Variants in PLA2G2D observed in about 807,000 individuals in gnomAD.
The protein encoded by PLA2G2D is phospholipase A2 group IID.
A neutral mutation model predicts 13.9 loss-of-function variants in PLA2G2D; 17 were observed. That is an observed-to-expected ratio of 1.23 (90% CI 0.84 to 1.84). The LOEUF is 1.84. PLA2G2D is among the 40% of genes most tolerant of loss of function. PLA2G2D has a pLI of 0.00. For synonymous variants in PLA2G2D, 83 were observed against 69.3 expected (o/e 1.20, Z -0.98); for missense variants, 194 against 178.7 (o/e 1.09, Z -0.49).
chr1:20,115,510 A>C lies in PLA2G2D; in HGVS notation c.289T>G (p.Cys97Gly), dbSNP rs2016966937. ...RYNFSQGNIH[C>G]SDKGSWCEQQ... is the part of the protein sequence containing the mutation. ...GCCCTGAGGTCTGCGTACTCACAGC[A>C]GTGGATGTTCCCCTGGGAAAAGTTG... Residue 97 changes from cysteine (C) to glycine (G), a missense_variant, in exon 3 of 4, where the codon TGC (cysteine) becomes GGC (glycine). Physicochemically the swap from Cys to Gly is radical, Grantham distance 159 (BLOSUM62 -3). Transcript: ENST00000375105. 2 of 1,566,250 alleles carry C rather than the reference A, an allele frequency of 1.3e-6. No homozygotes were observed. Among genetic ancestry groups the C allele is most frequent in the African/African-American group, 2.7e-5 (2 of 73,596 alleles).
Position 20,119,480 on chromosome 1 carries a change from A to ACAG in PLA2G2D, c.16_18dup (p.Leu6dup), listed in dbSNP as rs1274717068. The stretch of plus-strand genomic sequence containing the variant: ...TCACCAGCCATCACCACCAGCCCAC[A>ACAG]CAGCAGTGCAAGTTCCATGATCCCA... On this transcript the variant is annotated inframe_insertion, in exon 1 of 4. Transcript: ENST00000375105. The ACAG allele has an allele frequency of 6.2e-7, 1 of 1,613,912 alleles. No individual in the cohort carries two copies. The highest frequency in any genetic ancestry group is 1.7e-5 in the Admixed American group (1 of 60,006).
rs1490035283 is a variant in PLA2G2D, at chr1:20,116,319, G to A, written c.185+14C>T. 1.2e-6 allele frequency: 2 copies of A among 1,613,592 alleles called. No individual in the cohort carries two copies. The highest frequency in any genetic ancestry group is 1.7e-6 in the Non-Finnish European group (2 of 1,179,566). On this transcript the variant is annotated intron_variant, in intron 2 of 3. Coordinates refer to ENST00000375105, the MANE Select transcript of PLA2G2D (RefSeq NM_012400.4). ...GGGACAGTATAGGATTGCCAGCCCTGAGAAAGGAGTTACCAGTCCGTGGCA... is the reference window on the plus strand; with the variant it reads ...GGGACAGTATAGGATTGCCAGCCCTAAGAAAGGAGTTACCAGTCCGTGGCA...
At position 20,114,069 on chromosome 1, in the gene PLA2G2D, A is replaced by T; in HGVS notation, c.*45T>A. On this transcript the variant is annotated 3_prime_UTR_variant, in exon 4 of 4. Coordinates refer to ENST00000375105, the MANE Select transcript of PLA2G2D (RefSeq NM_012400.4). ...GTTCAGGTTAGATACTGAGGTGGGGATGCCAGAGCTCCATGCTGAGGAACA... is the reference window on the plus strand; with the variant it reads ...GTTCAGGTTAGATACTGAGGTGGGGTTGCCAGAGCTCCATGCTGAGGAACA... The T allele has an allele frequency of 1.3e-6, 2 of 1,579,842 alleles. No individual in the cohort carries two copies. The highest frequency in any genetic ancestry group is 1.7e-6 in the Non-Finnish European group (2 of 1,159,172).
intron 1 of PLA2G2D, among the ~76,000 whole-genome samples, chr1:20,117,697 G>A (rs1021289942): frequency 2.6e-5 from 4 of 152,240 alleles, no homozygotes; most frequent in Admixed American, 6.5e-5. Context: ...GGGAGCACAC[G>A]TCCCGATGGA....
At chr1:20,118,775 C>T (rs1044035864) in intron 1 of PLA2G2D, among the ~76,000 whole-genome samples, 1 of 152,132 alleles carries the variant, frequency 6.6e-6, no homozygotes, top group South Asian at 2.1e-4. Context: ...ACAGTGTCTT[C>T]CCTCTTTACA....
Position 20,113,812 on chromosome 1 carries a change from AGGTGGGGGACAGCG to A in PLA2G2D, c.*288_*301del. On this transcript the variant is annotated 3_prime_UTR_variant, in exon 4 of 4. Coordinates refer to ENST00000375105, the MANE Select transcript of PLA2G2D (RefSeq NM_012400.4). ...GGTGAGGAAGGACAAGGGGGCCAGC[AGGTGGGGGACAGCG>A]GCAGACCCCTCCCCCACCCCGATGC... The A allele has an allele frequency of 6.1e-6, 2 of 328,550 alleles. No individual in the cohort carries two copies. The highest frequency in any genetic ancestry group is 1.1e-5 in the Non-Finnish European group (2 of 179,208). The allele number at this position is 328,550 out of a possible 1,614,324, so 20.4% of individuals were successfully genotyped here. A position where few individuals can be genotyped will look rare whatever the true frequency, so the allele number is the denominator to read the frequency against.
chr1:20,113,954 G>A lies in PLA2G2D; in HGVS notation c.*160C>T, dbSNP rs916935366. The A allele has an allele frequency of 1.7e-5, 10 of 576,182 alleles. No individual in the cohort carries two copies. The highest frequency in any genetic ancestry group is 4.8e-4 in the Middle Eastern group (1 of 2,104). The allele number at this position is 576,182 out of a possible 1,614,324, so 35.7% of individuals were successfully genotyped here. ...GCTACTGCCTCAACTGGGAGGATTC[G>A]GAAAGCTTCAGAAGGTCAGAAGGCA... On this transcript the variant is annotated 3_prime_UTR_variant, in exon 4 of 4. Coordinates refer to ENST00000375105, the MANE Select transcript of PLA2G2D (RefSeq NM_012400.4).
chr1:20,116,442 T>A lies in PLA2G2D; in HGVS notation c.76A>T (p.Asn26Tyr). The A allele has an allele frequency of 6.2e-7, 1 of 1,614,150 alleles. No individual in the cohort carries two copies. The highest frequency in any genetic ancestry group is 8.5e-7 in the Non-Finnish European group (1 of 1,180,036). ...CCAGTCACTTGCTTGACCATCTTGT[T>A]CAGGTTCAGGATCCCGCCCTGGATT... ...IPIQGGILNL[N>Y]KMVKQVTGKM... The change falls in exon 2 of 4, where the codon AAC becomes TAC. Residue 26 changes from asparagine to tyrosine, a missense_variant. Coordinates refer to ENST00000375105, the MANE Select transcript of PLA2G2D (RefSeq NM_012400.4).
Position 20,112,716 on chromosome 1 carries a change from G to A in PLA2G2D, c.*1398C>T, listed in dbSNP as rs999653705. 4 of 152,200 alleles carry A rather than the reference G, an allele frequency of 2.6e-5. No individual in the cohort carries two copies. Among genetic ancestry groups the A allele is most frequent in the Non-Finnish European group, 4.4e-5 (3 of 68,056 alleles). The allele number at this position is 152,200 out of a possible 1,614,324, so 9.4% of individuals were successfully genotyped here. ...AACCTGTGAGGGAACCAGGAAAACT[G>A]GATAGGCCAAGGGGTCAGACCAAGC... is the stretch of plus-strand genomic sequence containing the variant. On this transcript the variant is annotated 3_prime_UTR_variant, in exon 4 of 4. Coordinates refer to ENST00000375105, the MANE Select transcript of PLA2G2D (RefSeq NM_012400.4).
In PLA2G2D at chr1:20,119,508, A is replaced by G. The variant is rs1332137512; in HGVS notation, c.-10T>C. ...GCAGTGCAAGTTCCATGATCCCAGC[A>G]CAGAGCAGTGGAGGCAGATGCTGGC... On this transcript the variant is annotated 5_prime_UTR_variant, in exon 1 of 4. Transcript: ENST00000375105. 1 of 1,613,782 alleles carries G rather than the reference A, an allele frequency of 6.2e-7. No homozygotes were observed. Among genetic ancestry groups the G allele is most frequent in the South Asian group, 1.1e-5 (1 of 91,074 alleles).
At position 20,116,325 on chromosome 1, in the gene PLA2G2D, G is replaced by A; in HGVS notation, c.185+8C>T. The stretch of plus-strand genomic sequence containing the variant: ...GTATAGGATTGCCAGCCCTGAGAAA[G>A]GAGTTACCAGTCCGTGGCATCTTTG... On this transcript the variant is annotated splice_region_variant and intron_variant, in intron 2 of 3. Coordinates refer to ENST00000375105, the MANE Select transcript of PLA2G2D (RefSeq NM_012400.4). 1 of 1,613,972 alleles carries A rather than the reference G, an allele frequency of 6.2e-7. No individual in the cohort carries two copies. The highest frequency in any genetic ancestry group is 8.5e-7 in the Non-Finnish European group (1 of 1,179,784).
At chr1:20,116,579 G>A in intron 1 of PLA2G2D, 102 bp from the exon 2 acceptor site, 1 of 976,178 alleles carries the variant, frequency 1.0e-6, no homozygotes, top group Non-Finnish European at 1.6e-6. Flanking sequence ...CCAAATGAGT[G>A]ACCTCAGATG....
Position 20,116,374 on chromosome 1 carries a change from G to C in PLA2G2D, c.144C>G (p.Cys48Trp), listed in dbSNP as rs181787831. 1.2e-6 allele frequency: 2 copies of C among 1,614,134 alleles called. No individual in the cohort carries two copies. Among genetic ancestry groups the C allele is most frequent in the African/African-American group, 2.7e-5 (2 of 75,036 alleles). ...TGGGTTGGCCTCTGCCACCTAGTCC[G>C]CAGTGACAGCCGTAGGGCCAGTAGG... is the stretch of plus-strand genomic sequence containing the variant. ...ILSYWPYGCHCGLGGRGQPKD... is the reference protein window; with the variant it reads ...ILSYWPYGCHWGLGGRGQPKD... Residue 48 changes from cysteine to tryptophan, a missense_variant, in exon 2 of 4, where the codon TGC becomes TGG. By Grantham distance (215) the Cys-to-Trp change is radical. Coordinates refer to ENST00000375105, the MANE Select transcript of PLA2G2D (RefSeq NM_012400.4).
At chr1:20,118,287 C>G (rs2100676617) in intron 1 of PLA2G2D, among the ~76,000 whole-genome samples, 1 of 152,290 alleles carries the variant, frequency 6.6e-6, no homozygotes, top group South Asian at 2.1e-4. Context: ...TGATGCAGCT[C>G]TTTCTTGCCA....
chr1:20,117,304 A>C (rs2017008849), intron 1 of PLA2G2D, among the ~76,000 whole-genome samples: 1 of 152,176 alleles, frequency 6.6e-6, no homozygotes, highest in Admixed American at 6.5e-5. Flanking sequence ...CATCATTTAC[A>C]ACAGTCTGGT....
chr1:20,116,691 T>G (rs1418622660), intron 1 of PLA2G2D, among the ~76,000 whole-genome samples: 2 of 152,068 alleles, frequency 1.3e-5, no homozygotes, highest in Non-Finnish European at 2.9e-5. Context: ...GGAGACAAAG[T>G]CTTGCTCTAT....
chr1:20,117,021 C>T (rs144184168), intron 1 of PLA2G2D, among the ~76,000 whole-genome samples: 48 of 152,048 alleles, frequency 3.2e-4, no homozygotes, highest in African/African-American at 8.9e-4. Context: ...ATTGATTTCT[C>T]GACTCCATCT....
chr1:20,112,237 G>C lies in PLA2G2D; in HGVS notation c.*1877C>G, dbSNP rs1229478396. 6.6e-6 allele frequency: 1 copy of C among 152,184 alleles called. No individual in the cohort carries two copies. The highest frequency in any genetic ancestry group is 1.5e-5 in the Non-Finnish European group (1 of 68,070). 9.4% of individuals were successfully genotyped at this position (152,184 alleles called of 1,614,324 possible). On this transcript the variant is annotated 3_prime_UTR_variant, in exon 4 of 4. Transcript: ENST00000375105. ...CTGCCTCAGCCACCCTAAGTGTTGG[G>C]ATTACAGGCATGAGCCACCATGCCT...
At chr1:20,117,232 G>A (rs566331293) in intron 1 of PLA2G2D, among the ~76,000 whole-genome samples, 1 of 152,150 alleles carries the variant, frequency 6.6e-6, no homozygotes, top group African/African-American at 2.4e-5. Flanking sequence ...TTTTACAGAT[G>A]AGCAGTTTGA....
Sources: gnomAD v4.1 joint callset for allele counts (sites outside exome capture counted in the v4.1 genomes callset) on GRCh38, gnomAD v4.1.1 for gene constraint, MANE v1.5 for transcripts, NCBI Gene and HGNC (gene_info 2026-07-23, HGNC 2026-07-21) for gene names.